The following C4BPB variants were observed in gnomAD, a reference collection of about 807,000 sequenced individuals.
C4BPB encodes the protein complement component 4 binding protein beta.
C4BPB carries 19 observed loss-of-function variants against 26.6 expected under a neutral mutation model. The ratio of observed to expected loss-of-function variants is 0.71; its 90% CI spans 0.50 to 1.05. The LOEUF (loss-of-function observed/expected upper bound fraction) is 1.05, where lower values mean the gene tolerates loss of function less well. Among genes scored for constraint, C4BPB ranks in the 50% least tolerant of loss-of-function variants. The pLI is 0.00. For synonymous variants in C4BPB, 118 were observed against 103.5 expected, an observed-to-expected ratio of 1.14 and a Z score of -0.85; for missense variants, 282 against 302.9, an observed-to-expected ratio of 0.93 and a Z score of 0.51.
At chr1:207,096,304 A>G (rs1684246802) in intron 4 of C4BPB, 1 of 530,588 alleles carries the variant, frequency 1.9e-6, no homozygotes, top group Non-Finnish European at 3.4e-6. Context: ...GGGCTGGGGG[A>G]AAGCTCTTTC....
intron 2 of C4BPB, 92 bp from the exon 3 acceptor site, chr1:207,090,216 C>T (rs1180253964): frequency 9.9e-7 from 1 of 1,006,336 alleles, no homozygotes; most frequent in Non-Finnish European, 1.4e-6. Flanking sequence ...GATCAATAAT[C>T]CAGCAAAAAG....
intron 4 of C4BPB, among the ~76,000 whole-genome samples, chr1:207,092,569 C>A (rs931146036): frequency 1.3e-5 from 2 of 150,690 alleles, no homozygotes; most frequent in Non-Finnish European, 2.9e-5. Context: ...TGGAACAATG[C>A]TGAAATGAAT....
intron 4 of C4BPB, chr1:207,095,164 C>G (rs1408737874): frequency 2.5e-6 from 1 of 394,478 alleles, no homozygotes; most frequent in East Asian, 7.2e-5. Flanking sequence ...ATTATTTAAC[C>G]TGCTTATCTG....
Position 207,090,460 on chromosome 1 carries a change from A to T in C4BPB, c.211A>T (p.Asn71Tyr), listed in dbSNP as rs142261258. Residue 71 changes from asparagine (N) to tyrosine (Y), a missense_variant, in exon 3 of 7, where the codon AAC becomes TAC. Asn to Tyr is a moderately radical substitution (Grantham distance 143). Transcript: ENST00000367078. ...LFCNASKEWD[N>Y]TTTECRLGHC... ...TTGCAATGCCTCTAAGGAGTGGGATAACACCACTACTGAGTGCCGCTGTAA... is the reference window on the plus strand; with the variant it reads ...TTGCAATGCCTCTAAGGAGTGGGATTACACCACTACTGAGTGCCGCTGTAA... 39 of 1,612,826 alleles carry T rather than the reference A, an allele frequency of 2.4e-5. No individual in the cohort carries two copies. The highest frequency in any genetic ancestry group is 3.3e-5 in the Non-Finnish European group (39 of 1,179,412).
At chr1:207,095,770 G>T (rs1039121730) in intron 4 of C4BPB, 4 of 287,388 alleles carry the variant, frequency 1.4e-5, no homozygotes, top group South Asian at 3.2e-5. Context: ...TCTCATGAAT[G>T]GTCTAGCACC....
At chr1:207,090,212 T>C in intron 2 of C4BPB, 96 bp from the exon 3 acceptor site, 1 of 975,160 alleles carries the variant, frequency 1.0e-6, no homozygotes. Flanking sequence ...TCAGGATCAA[T>C]AATCCAGCAA....
intron 6 of C4BPB, among the ~76,000 whole-genome samples, chr1:207,098,958 A>G (rs1269167434): frequency 2.0e-5 from 3 of 152,156 alleles, no homozygotes; most frequent in Admixed American, 2.0e-4. Context: ...CAGGCATTAG[A>G]ATCTCATCTG....
intron 2 of C4BPB, 59 bp downstream of exon 2, chr1:207,089,648 T>G (rs1558074579): frequency 7.2e-7 from 1 of 1,381,838 alleles, no homozygotes; most frequent in Non-Finnish European, 1.0e-6. Flanking sequence ...TGCGGTGTTT[T>G]GAGGAACTCT....
chr1:207,097,992 T>C (rs1233936662), intron 5 of C4BPB, 158 bp from the exon 6 acceptor site: 4 of 612,240 alleles, frequency 6.5e-6, no homozygotes, highest in Non-Finnish European at 1.2e-5. Context: ...TTGAACTGCT[T>C]TGTAATACCG....
At chr1:207,099,175 G>A (rs567023287) in intron 6 of C4BPB, among the ~76,000 whole-genome samples, 1 of 152,292 alleles carries the variant, frequency 6.6e-6, no homozygotes, top group Admixed American at 6.5e-5. Context: ...GGAGTGATGG[G>A]AGACAGTGAC....
chr1:207,090,927 A>G (rs1684000686), intron 3 of C4BPB, among the ~76,000 whole-genome samples: 1 of 152,196 alleles, frequency 6.6e-6, no homozygotes, highest in South Asian at 2.1e-4. Flanking sequence ...ATTTTGAAGT[A>G]AGTGCATTGT....
intron 3 of C4BPB, among the ~76,000 whole-genome samples, chr1:207,090,801 A>G (rs1408680049): frequency 6.6e-6 from 1 of 152,202 alleles, no homozygotes; most frequent in African/African-American, 2.4e-5. Context: ...TATGTTATGG[A>G]AAATTTAAAA....
At chr1:207,093,364 G>A (rs1328779391) in intron 4 of C4BPB, among the ~76,000 whole-genome samples, 1 of 152,106 alleles carries the variant, frequency 6.6e-6, no homozygotes, top group African/African-American at 2.4e-5. Context: ...ACATTTGACT[G>A]GATCAAAGGG....
chr1:207,097,255 C>A (rs1446892559), intron 5 of C4BPB, among the ~76,000 whole-genome samples: 1 of 152,006 alleles, frequency 6.6e-6, no homozygotes, highest in Non-Finnish European at 1.5e-5. Flanking sequence ...CTCTGTCACC[C>A]AGGCTGGAGT....
intron 2 of C4BPB, among the ~76,000 whole-genome samples, 183 bp from the exon 3 acceptor site, chr1:207,090,124 AG>A (rs1683964433): frequency 2.6e-5 from 4 of 152,166 alleles, no homozygotes; most frequent in Non-Finnish European, 4.4e-5. Flanking sequence ...ACAAAAAATT[AG>A]CTGGGCGTGG....
At chr1:207,096,654 C>A (rs1358883044) in intron 5 of C4BPB, 39 bp downstream of exon 5, 1 of 1,171,402 alleles carries the variant, frequency 8.5e-7, no homozygotes, top group Non-Finnish European at 1.2e-6. Flanking sequence ...GATCTTGCCC[C>A]TTGGCAGCAT....
intron 5 of C4BPB, among the ~76,000 whole-genome samples, chr1:207,097,454 C>A (rs1684298405): frequency 6.6e-6 from 1 of 150,972 alleles, no homozygotes; most frequent in Non-Finnish European, 1.5e-5. Flanking sequence ...CTCAAGTGAT[C>A]CTCCCACCTT....
At chr1:207,097,424 G>A (rs1684296048) in intron 5 of C4BPB, among the ~76,000 whole-genome samples, 1 of 151,318 alleles carries the variant, frequency 6.6e-6, no homozygotes, top group Non-Finnish European at 1.5e-5. Flanking sequence ...TGTTGCTCAG[G>A]CTGGTCTTGA....
chr1:207,098,303 A>T, intron 6 of C4BPB, 39 bp downstream of exon 6: 2 of 1,229,134 alleles, frequency 1.6e-6, no homozygotes, highest in Non-Finnish European at 2.4e-6. Flanking sequence ...TCACAGCTGG[A>T]TCTCCAGGGC....
Sources: allele counts gnomAD v4.1 joint callset (sites outside exome capture counted in the v4.1 genomes callset), GRCh38; gene constraint gnomAD v4.1.1; transcripts MANE v1.5; gene names NCBI Gene and HGNC (gene_info 2026-07-23, HGNC 2026-07-21).